DIP2C: variants seen among roughly 807,000 people sequenced by gnomAD.
DIP2C encodes DIP2 acetate--CoA ligase C (putative), also known as disco-interacting protein 2 homolog C.
A neutral mutation model predicts 192.4 loss-of-function variants in DIP2C; 33 were observed. That is an observed-to-expected ratio of 0.17 (90% CI 0.13 to 0.23). The LOEUF (loss-of-function observed/expected upper bound fraction) is 0.23, where lower values mean the gene tolerates loss of function less well. DIP2C is among the 10% of genes least tolerant of loss of function. The probability of loss-of-function intolerance (pLI) is 1.00; values close to 1 mark genes in which losing one functional copy is unlikely to be tolerated. For missense variants in DIP2C, 1,537 were observed against 2,110.1 expected (o/e 0.73, Z 5.32); for synonymous variants, 979 against 864.1 (o/e 1.13, Z -2.33).
chr10:305,131 C>T (rs1956251544), intron 32 of DIP2C, among the ~76,000 whole-genome samples: 1 of 152,212 alleles, frequency 6.6e-6, no homozygotes, highest in Non-Finnish European at 1.5e-5. Flanking sequence ...TAACACACAA[C>T]AGCATATATA....
At chr10:321,443 G>A (rs1957005395) in intron 31 of DIP2C, among the ~76,000 whole-genome samples, 1 of 152,264 alleles carries the variant, frequency 6.6e-6, no homozygotes, top group Admixed American at 6.5e-5. Flanking sequence ...GTTCTTTGCT[G>A]AGTTTGCTCC....
At chr10:620,560 G>A (rs1393251740) in intron 1 of DIP2C, among the ~76,000 whole-genome samples, 1 of 152,162 alleles carries the variant, frequency 6.6e-6, no homozygotes, top group Non-Finnish European at 1.5e-5. Flanking sequence ...AAGAAATTAA[G>A]CAAACCATGA....
chr10:288,466 A>G, intron 32 of DIP2C, 45 bp from the exon 33 acceptor site: 1 of 1,603,562 alleles, frequency 6.2e-7, no homozygotes, highest in Non-Finnish European at 8.5e-7. Context: ...TTTGCTGTCC[A>G]GTTTTCCCCT....
chr10:617,190 TA>T (rs201337979), intron 1 of DIP2C, among the ~76,000 whole-genome samples: 2 of 54,296 alleles, frequency 3.7e-5, no homozygotes, highest in South Asian at 1.9e-3. Flanking sequence ...ACTGTGTTGG[TA>T]TCTCAGCCGC....
intron 32 of DIP2C, among the ~76,000 whole-genome samples, chr10:297,892 A>G (rs990517818): frequency 1.3e-5 from 2 of 152,228 alleles, no homozygotes; most frequent in African/African-American, 4.8e-5. Context: ...TGAAACATAT[A>G]CCCTATGAGT....
chr10:303,262 T>A (rs1956143250), intron 32 of DIP2C, among the ~76,000 whole-genome samples: 1 of 151,736 alleles, frequency 6.6e-6, no homozygotes, highest in Admixed American at 6.6e-5. Flanking sequence ...CATGAGGCTG[T>A]AGATTGATCA....
chr10:492,008 G>C lies in DIP2C; in HGVS notation c.86-5478C>G, dbSNP rs534575142. ...CCGACCCCAGAAAACAGGGGCAAGA[G>C]GAATCTCAAAATCCCGACCCCAGAA... On this transcript the variant is annotated intron_variant, in intron 1 of 36. Coordinates refer to ENST00000280886, the MANE Select transcript of DIP2C (RefSeq NM_014974.3). 2.6e-5 allele frequency among the ~76,000 whole-genome samples: 4 copies of C among 152,142 alleles called. No individual in the cohort carries two copies. In the East Asian group the frequency reaches 7.7e-4, roughly 29 times the overall value.
chr10:657,767 C>T (rs1399802129), intron 1 of DIP2C, among the ~76,000 whole-genome samples: 106 of 145,520 alleles, frequency 7.3e-4, no homozygotes, highest in Admixed American at 1.8e-3. Context: ...CTGGACCTGA[C>T]GCTTGACCTG....
intron 1 of DIP2C, among the ~76,000 whole-genome samples, chr10:672,254 A>C (rs1305087965): frequency 1.3e-5 from 2 of 151,174 alleles, no homozygotes; most frequent in East Asian, 3.9e-4. Context: ...CGGATGGAGG[A>C]AACGCGCCAC....
chr10:538,082 G>C (rs187608758), intron 1 of DIP2C, among the ~76,000 whole-genome samples: 2 of 152,074 alleles, frequency 1.3e-5, no homozygotes, highest in East Asian at 3.9e-4. Flanking sequence ...GAGCCACCGT[G>C]CCTGGCTGTG....
chr10:689,599 C>G lies in DIP2C; in HGVS notation c.-21G>C. The G allele has an allele frequency of 2.6e-6, 3 of 1,132,408 alleles. No homozygotes were observed. Among genetic ancestry groups the G allele is most frequent in the Non-Finnish European group, 3.3e-6 (3 of 922,124 alleles). The allele number at this position is 1,132,408 out of a possible 1,614,324, so 70.1% of individuals were successfully genotyped here. A position where few individuals can be genotyped will look rare whatever the true frequency, so the allele number is the denominator to read the frequency against. On this transcript the variant is annotated 5_prime_UTR_variant, in exon 1 of 37. Coordinates refer to ENST00000280886, the MANE Select transcript of DIP2C (RefSeq NM_014974.3). This position sits in a 1 kb window ranked among gnomAD's most constrained non-coding sequence, Gnocchi z 6.1. ...GCCATGCTCCGCGGGCGCCGCGCCC[C>G]GCACGGCCTCCTCTTTGTTCGCAGG...
intron 24 of DIP2C, among the ~76,000 whole-genome samples, chr10:351,637 G>GAAGAGCCC (rs1299668852): frequency 6.6e-6 from 1 of 152,178 alleles, no homozygotes; most frequent in Non-Finnish European, 1.5e-5. Context: ...ATTTAAAGTA[G>GAAGAGCCC]AAGAGCCCAA....
intron 1 of DIP2C, among the ~76,000 whole-genome samples, chr10:561,975 C>A (rs538944585): frequency 6.6e-6 from 1 of 152,358 alleles, no homozygotes; most frequent in African/African-American, 2.4e-5. Context: ...GGGCCGTGCA[C>A]CTGTTCCTAC....
Position 344,903 on chromosome 10 carries a change from T to G in DIP2C, c.3359A>C (p.Lys1120Thr). 2 of 1,607,306 alleles carry G rather than the reference T, an allele frequency of 1.2e-6. No individual in the cohort carries two copies. The highest frequency in any genetic ancestry group is 1.7e-6 in the Non-Finnish European group (2 of 1,177,806). ...AGGTTTGCAGATCTGGGCAGGCCGC[T>G]TCTTTGGCAAATCATCTGGAGAGGA... is the stretch of plus-strand genomic sequence containing the variant. ...LILDTDDLPK[K>T]RPAQICKPCN... The change falls in exon 28 of 37, where the codon AAG becomes ACG. Residue 1120 changes from lysine (K) to threonine (T), a missense_variant. Coordinates refer to ENST00000280886, the MANE Select transcript of DIP2C (RefSeq NM_014974.3).
intron 1 of DIP2C, among the ~76,000 whole-genome samples, chr10:628,142 G>A (rs886332439): frequency 1.3e-5 from 2 of 152,282 alleles, no homozygotes; most frequent in East Asian, 3.9e-4. Flanking sequence ...AACGTGGCAG[G>A]AAAATATGCA....
At position 565,952 on chromosome 10, in the gene DIP2C, C is replaced by G. The variant is rs1036481308; in HGVS notation, c.86-79422G>C. ...ATTTGCTGTTTCAGATCCACGTCAC[C>G]CACTCTCCTGCTGGAGGCAGCACCT... On this transcript the variant is annotated intron_variant, in intron 1 of 36. Transcript: ENST00000280886. 2.6e-5 allele frequency among the ~76,000 whole-genome samples: 4 copies of G among 152,190 alleles called. No individual in the cohort carries two copies. The East Asian group carries it at 7.7e-4, about 29-fold the overall frequency.
intron 23 of DIP2C, 62 bp from the exon 24 acceptor site, chr10:356,568 G>C: frequency 6.9e-7 from 1 of 1,440,072 alleles, no homozygotes; most frequent in South Asian, 1.2e-5. Flanking sequence ...TGCGGGCTGA[G>C]GTGGGGCAAC....
At chr10:318,397 G>A (rs1956868116) in intron 31 of DIP2C, among the ~76,000 whole-genome samples, 1 of 152,222 alleles carries the variant, frequency 6.6e-6, no homozygotes, top group African/African-American at 2.4e-5. Context: ...CAGTGAAGGT[G>A]TCCAGACACG....
At chr10:422,743 T>A in intron 5 of DIP2C, 81 bp downstream of exon 5, 2 of 1,492,216 alleles carry the variant, frequency 1.3e-6, no homozygotes, top group Non-Finnish European at 1.8e-6. Flanking sequence ...GGGATTCCGC[T>A]GCAACGATGC....
Sources: allele counts gnomAD v4.1 joint callset (sites outside exome capture counted in the v4.1 genomes callset), GRCh38; gene constraint gnomAD v4.1.1; non-coding constraint Gnocchi (gnomAD v3.1); transcripts MANE v1.5; gene names NCBI Gene and HGNC (gene_info 2026-07-23, HGNC 2026-07-21).